PCDH9: variants seen among roughly 807,000 people sequenced by gnomAD.
PCDH9 encodes protocadherin-9.
In PCDH9, 24 loss-of-function variants were observed where a neutral mutation model predicts 70.6. The ratio of observed to expected loss-of-function variants is 0.34; its 90% CI spans 0.25 to 0.48. The LOEUF is 0.48. Ranked by LOEUF, PCDH9 falls within the 20% of genes least tolerant of loss-of-function variation. The pLI is 0.99. For missense variants in PCDH9, 1,281 were observed against 1,503.6 expected, an observed-to-expected ratio of 0.85 and a Z score of 2.45; for synonymous variants, 562 against 558.5, an observed-to-expected ratio of 1.01 and a Z score of -0.09.
At position 67,148,858 on chromosome 13, in the gene PCDH9, T is replaced by G. The variant is rs75490432; in HGVS notation, c.3036+76547A>C. On this transcript the variant is annotated intron_variant, in intron 2 of 4. Transcript: ENST00000377865. ...ATGAATTTAACAAATAGACATTAAT[T>G]TGATCTTTAAAAGATGTATTATATT... Among the ~76,000 whole-genome samples the G allele has an allele frequency of 9.5e-3, 1,441 of 152,318 alleles. 24 individuals carry two copies. The highest frequency in any genetic ancestry group is 0.032 in the African/African-American group (1,314 of 41,566).
intron 3 of PCDH9, among the ~76,000 whole-genome samples, chr13:66,819,337 A>AG (rs2080667963): frequency 1.3e-5 from 2 of 150,082 alleles, no homozygotes; most frequent in South Asian, 4.3e-4. Flanking sequence ...AAAAAAAAAA[A>AG]CCTTTCAAAA....
At chr13:66,633,887 T>G (rs1232371409) in intron 3 of PCDH9, among the ~76,000 whole-genome samples, 1 of 152,208 alleles carries the variant, frequency 6.6e-6, no homozygotes, top group Non-Finnish European at 1.5e-5. Context: ...TAGTTATACC[T>G]TAATCCTGCA....
At chr13:66,466,866 T>A (rs1241246942) in intron 4 of PCDH9, among the ~76,000 whole-genome samples, 1 of 152,070 alleles carries the variant, frequency 6.6e-6, no homozygotes, top group Non-Finnish European at 1.5e-5. Flanking sequence ...TGTTATGAAC[T>A]AAGAAGTACA....
At chr13:66,636,871 C>T (rs1289216363) in intron 3 of PCDH9, among the ~76,000 whole-genome samples, 1 of 151,936 alleles carries the variant, frequency 6.6e-6, no homozygotes, top group Non-Finnish European at 1.5e-5. Context: ...TGCTATATCT[C>T]TGCATAAATC....
intron 3 of PCDH9, chr13:66,876,915 A>G: frequency 6.6e-6 from 1 of 152,110 alleles, no homozygotes; most frequent in East Asian, 1.9e-4. Flanking sequence ...TCCCTCTCAC[A>G]TACGGTAAGG....
At chr13:66,942,188 A>G (rs2083016694) in intron 2 of PCDH9, among the ~76,000 whole-genome samples, 1 of 151,948 alleles carries the variant, frequency 6.6e-6, no homozygotes, top group African/African-American at 2.4e-5. Context: ...AAACATTTAT[A>G]CCAGAAAATA....
chr13:66,974,863 C>A (rs749551711), intron 2 of PCDH9, among the ~76,000 whole-genome samples: 1 of 151,918 alleles, frequency 6.6e-6, no homozygotes, highest in Non-Finnish European at 1.5e-5. Flanking sequence ...ACATGCAGTA[C>A]GATATGAACT....
chr13:67,184,086 T>G (rs2088686735), intron 2 of PCDH9, among the ~76,000 whole-genome samples: 1 of 152,162 alleles, frequency 6.6e-6, no homozygotes, highest in African/African-American at 2.4e-5. Context: ...GGTATAAATT[T>G]TCTATGTTTC....
At chr13:66,664,243 A>T (rs1319138027) in intron 3 of PCDH9, among the ~76,000 whole-genome samples, 1 of 152,218 alleles carries the variant, frequency 6.6e-6, no homozygotes, top group African/African-American at 2.4e-5. Context: ...TACAGTCTAA[A>T]TAATTTTATC....
Position 66,671,349 on chromosome 13 carries a change from G to A in PCDH9, c.3139-39938C>T, listed in dbSNP as rs114777072. ...ATGAGGATACCTGAAATGTGGAAGCGACACTGGAACTGGGTAACAGGCAGA... is the reference window on the plus strand; with the variant it reads ...ATGAGGATACCTGAAATGTGGAAGCAACACTGGAACTGGGTAACAGGCAGA... On this transcript the variant is annotated intron_variant, in intron 3 of 4. Coordinates refer to ENST00000377865, the MANE Select transcript of PCDH9 (RefSeq NM_203487.3). Among the ~76,000 whole-genome samples, 300 of 152,270 alleles carry A rather than the reference G, an allele frequency of 2.0e-3. 1 individual carries two copies. Among genetic ancestry groups the A allele is most frequent in the African/African-American group, 7.0e-3 (291 of 41,538 alleles).
chr13:67,223,157 C>T (rs1053040401), intron 2 of PCDH9: 6 of 152,112 alleles, frequency 3.9e-5, no homozygotes, highest in African/African-American at 1.2e-4. Flanking sequence ...ATTTCTAAAA[C>T]GCACTTTAGT....
intron 3 of PCDH9, among the ~76,000 whole-genome samples, chr13:66,665,694 G>A (rs1767689338): frequency 6.6e-6 from 1 of 152,060 alleles, no homozygotes; most frequent in Admixed American, 6.6e-5. Flanking sequence ...CTTATGTTCT[G>A]TGCTGTGTCC....
intron 4 of PCDH9, among the ~76,000 whole-genome samples, chr13:66,555,391 A>G (rs1033482691): frequency 2.7e-5 from 4 of 148,352 alleles, no homozygotes; most frequent in African/African-American, 9.9e-5. Context: ...TGTTCCTTTT[A>G]TCATCTGAAT....
intron 3 of PCDH9, among the ~76,000 whole-genome samples, chr13:66,769,365 TA>T (rs924838526): frequency 2.0e-5 from 3 of 152,124 alleles, no homozygotes; most frequent in African/African-American, 7.2e-5. Flanking sequence ...AAGTATAGGT[TA>T]AATGCTTGAT....
chr13:66,312,715 T>G (rs1302906098), intron 4 of PCDH9, among the ~76,000 whole-genome samples: 1 of 152,224 alleles, frequency 6.6e-6, no homozygotes, highest in Non-Finnish European at 1.5e-5. Flanking sequence ...AAAAATCTAG[T>G]GGTTCTATCA....
chr13:66,420,622 G>A (rs905063823), intron 4 of PCDH9, among the ~76,000 whole-genome samples: 19 of 152,078 alleles, frequency 1.2e-4, no homozygotes, highest in African/African-American at 4.3e-4. Context: ...CTAACAAACA[G>A]AAAGCAATAG....
At chr13:66,872,131 G>A (rs947459039) in intron 3 of PCDH9, among the ~76,000 whole-genome samples, 1 of 152,128 alleles carries the variant, frequency 6.6e-6, no homozygotes, top group Non-Finnish European at 1.5e-5. Flanking sequence ...AATTATGAAA[G>A]TATATGCCAA....
intron 4 of PCDH9, among the ~76,000 whole-genome samples, chr13:66,547,365 C>T (rs1961253853): frequency 6.6e-6 from 1 of 152,062 alleles, no homozygotes; most frequent in Non-Finnish European, 1.5e-5. Flanking sequence ...TCATAGTTAA[C>T]GTTTTTATCT....
chr13:66,800,374 CTT>C (rs1311180093), intron 3 of PCDH9, among the ~76,000 whole-genome samples: 1 of 152,112 alleles, frequency 6.6e-6, no homozygotes, highest in Non-Finnish European at 1.5e-5. Flanking sequence ...TGAAATTTAA[CTT>C]TGCCCTACCC....
Sources: allele counts gnomAD v4.1 joint callset (sites outside exome capture counted in the v4.1 genomes callset), GRCh38; gene constraint gnomAD v4.1.1; transcripts MANE v1.5; gene names NCBI Gene and HGNC (gene_info 2026-07-23, HGNC 2026-07-21).